The following CLCA4 variants were observed in gnomAD, a reference collection of about 807,000 sequenced individuals.
CLCA4 encodes the protein calcium-activated chloride channel regulator 4.
Under a neutral mutation model 78.9 loss-of-function variants are expected in CLCA4, and 69 were observed. That is an observed-to-expected ratio of 0.87 (90% CI 0.72 to 1.07). The LOEUF (loss-of-function observed/expected upper bound fraction) is 1.07. CLCA4 is among the 50% of genes least tolerant of loss of function. The pLI is 0.00. For missense variants in CLCA4, 1,133 were observed against 1,095.8 expected, an observed-to-expected ratio of 1.03 and a Z score of -0.48; for synonymous variants, 362 against 375.8, an observed-to-expected ratio of 0.96 and a Z score of 0.42.
At chr1:86,574,217 C>T (rs1225147327) in intron 9 of CLCA4, among the ~76,000 whole-genome samples, 2 of 152,000 alleles carry the variant, frequency 1.3e-5, no homozygotes, top group Non-Finnish European at 2.9e-5. Context: ...CTCCCTCTAT[C>T]TGTGTGAAAA....
intron 8 of CLCA4, among the ~76,000 whole-genome samples, chr1:86,572,209 A>G (rs778325425): frequency 6.6e-6 from 1 of 152,074 alleles, no homozygotes; most frequent in Non-Finnish European, 1.5e-5. Context: ...CTTTGTTAGA[A>G]CTAAAATAAA....
chr1:86,567,691 T>C (rs748481411), intron 7 of CLCA4, 40 bp downstream of exon 7: 2 of 1,522,158 alleles, frequency 1.3e-6, no homozygotes, highest in Admixed American at 3.5e-5. Context: ...TTTTTGTTTC[T>C]TTTCAGGACA....
At chr1:86,552,520 C>T in intron 1 of CLCA4, 1 of 508,214 alleles carries the variant, frequency 2.0e-6, no homozygotes, top group Non-Finnish European at 3.5e-6. Context: ...GCAGACAGGG[C>T]AGCAAGGCTG....
At chr1:86,578,631 T>C (rs1057388890) in intron 12 of CLCA4, among the ~76,000 whole-genome samples, 2 of 152,054 alleles carry the variant, frequency 1.3e-5, no homozygotes, top group Non-Finnish European at 2.9e-5. Context: ...GCAAAAGACA[T>C]GATCTCACTC....
At position 86,560,220 on chromosome 1, in the gene CLCA4, A is replaced by G. The variant is rs944224081; in HGVS notation, c.310A>G (p.Ile104Val). Reference protein sequence around the residue: ...KHENHKHADVIVAPPTLPGRD... With the variant: ...KHENHKHADVVVAPPTLPGRD... ...TTTTCAACATTCTCAGGCTGATGTT[A>G]TAGTTGCACCACCTACACTCCCAGG... The change falls in exon 3 of 14, where the codon ATA (isoleucine) becomes GTA (valine). Residue 104 changes from isoleucine (I) to valine (V), a missense_variant. Coordinates refer to ENST00000370563, the MANE Select transcript of CLCA4 (RefSeq NM_012128.4). 6 of 1,607,488 alleles carry G rather than the reference A, an allele frequency of 3.7e-6. No homozygotes were observed. The highest frequency in any genetic ancestry group is 5.1e-6 in the Non-Finnish European group (6 of 1,178,174).
At chr1:86,573,823 T>G (rs781634707) in intron 9 of CLCA4, among the ~76,000 whole-genome samples, 2 of 152,016 alleles carry the variant, frequency 1.3e-5, no homozygotes, top group Non-Finnish European at 2.9e-5. Context: ...TGTGTTCTGT[T>G]TATTTTAAAT....
At chr1:86,579,662 TG>T in intron 13 of CLCA4, 75 bp downstream of exon 13, 2 of 600,412 alleles carry the variant, frequency 3.3e-6, no homozygotes. Flanking sequence ...TAAGGGTGGG[TG>T]GGGGGAGAAT....
intron 1 of CLCA4, among the ~76,000 whole-genome samples, chr1:86,549,555 T>C (rs558580057): frequency 3.3e-5 from 5 of 152,202 alleles, no homozygotes; most frequent in Non-Finnish European, 7.3e-5. Flanking sequence ...GGCAGCTTAC[T>C]GGTGTAGAAG....
chr1:86,574,397 T>A, intron 9 of CLCA4, 143 bp from the exon 10 acceptor site: 1 of 623,626 alleles, frequency 1.6e-6, no homozygotes, highest in South Asian at 2.1e-5. Flanking sequence ...TGTCATATCA[T>A]CACCAGCTTG....
intron 1 of CLCA4, among the ~76,000 whole-genome samples, chr1:86,550,895 G>C (rs1570316857): frequency 6.8e-6 from 1 of 148,102 alleles, no homozygotes; most frequent in East Asian, 2.0e-4. Context: ...GCAGTGGTGC[G>C]ATCTTGGCTC....
chr1:86,551,627 C>G (rs1323026345), intron 1 of CLCA4, among the ~76,000 whole-genome samples: 1 of 152,172 alleles, frequency 6.6e-6, no homozygotes, highest in Non-Finnish European at 1.5e-5. Flanking sequence ...AACAGAGCAG[C>G]ACAGGCATTT....
intron 1 of CLCA4, chr1:86,553,127 T>A: frequency 1.2e-6 from 1 of 810,412 alleles, no homozygotes; most frequent in South Asian, 1.5e-5. Flanking sequence ...TCCTGCGTCA[T>A]CTCCTCTTGG....
At chr1:86,566,092 C>G in intron 6 of CLCA4, 72 bp downstream of exon 6, 1 of 1,326,018 alleles carries the variant, frequency 7.5e-7, no homozygotes, top group African/African-American at 1.5e-5. Flanking sequence ...ACTCTGTCTG[C>G]ACCTAGATTG....
chr1:86,562,991 C>G (rs1650071228), intron 3 of CLCA4, among the ~76,000 whole-genome samples: 1 of 151,804 alleles, frequency 6.6e-6, no homozygotes, highest in Non-Finnish European at 1.5e-5. Flanking sequence ...GCAGAAGAGA[C>G]TTTATTTCCA....
chr1:86,578,900 T>C (rs772607), intron 12 of CLCA4, among the ~76,000 whole-genome samples: 106,178 of 151,884 alleles, frequency 0.7, 37,668 homozygotes, highest in South Asian at 0.85. Flanking sequence ...TTCTTTCATC[T>C]GGTCCCTTGT....
chr1:86,556,439 T>C (rs61800419), intron 1 of CLCA4, among the ~76,000 whole-genome samples: 14,310 of 152,266 alleles, frequency 0.094, 864 homozygotes, highest in South Asian at 0.16. Flanking sequence ...TCTCCTGAGA[T>C]AATCATGTGG....
At chr1:86,558,797 CA>C (rs1649928345) in intron 1 of CLCA4, among the ~76,000 whole-genome samples, 1 of 152,122 alleles carries the variant, frequency 6.6e-6, no homozygotes, top group Admixed American at 6.5e-5. Flanking sequence ...GTCCCTTCCA[CA>C]ACACGTGGGG....
At position 86,574,685 on chromosome 1, in the gene CLCA4, C is replaced by A. The variant is rs1214411782; in HGVS notation, c.1613C>A (p.Thr538Lys). The change falls in exon 10 of 14, where the codon ACA (threonine) becomes AAA (lysine). Residue 538 changes from threonine to lysine, a missense_variant. Transcript: ENST00000370563. Reference protein sequence around the residue: ...PSISLWDPSGTIMENFTVDAT... With the variant: ...PSISLWDPSGKIMENFTVDAT... ...ATTTCTCTCTGGGATCCCAGTGGAA[C>A]AATAATGGAAAATTTCACAGTGGAT... 1.2e-6 allele frequency: 2 copies of A among 1,613,218 alleles called. No homozygotes were observed. Among genetic ancestry groups the A allele is most frequent in the East Asian group, 2.2e-5 (1 of 44,814 alleles).
At chr1:86,553,382 C>G (rs1185746035) in intron 1 of CLCA4, 4 of 513,020 alleles carry the variant, frequency 7.8e-6, no homozygotes, top group Middle Eastern at 4.5e-4. Flanking sequence ...CCTGCCGTCT[C>G]GTGCATCCCA....
Sources: gnomAD v4.1 joint callset for allele counts (sites outside exome capture counted in the v4.1 genomes callset) on GRCh38, gnomAD v4.1.1 for gene constraint, MANE v1.5 for transcripts, NCBI Gene and HGNC (gene_info 2026-07-23, HGNC 2026-07-21) for gene names.